The following TDRD3 variants were observed in gnomAD, a reference collection of about 807,000 sequenced individuals.
TDRD3 encodes the protein tudor domain containing 3.
TDRD3 carries 45 observed loss-of-function variants against 86.7 expected under a neutral mutation model. That is an observed-to-expected ratio of 0.52 (90% CI 0.41 to 0.67). TDRD3 has a LOEUF of 0.67. Among genes scored for constraint, TDRD3 ranks in the 30% least tolerant of loss-of-function variants. The pLI, the probability that TDRD3 is intolerant of heterozygous loss-of-function variation, is 0.00. For synonymous variants in TDRD3, 298 were observed against 301.7 expected (o/e 0.99, Z 0.13); for missense variants, 814 against 889.0 (o/e 0.92, Z 1.07).
intron 8 of TDRD3, among the ~76,000 whole-genome samples, chr13:60,508,463 C>G (rs1233704576): frequency 6.6e-6 from 1 of 152,102 alleles, no homozygotes; most frequent in Non-Finnish European, 1.5e-5. Context: ...TAAATAACAC[C>G]ACACATCTGC....
chr13:60,426,079 G>T (rs1954797118), intron 1 of TDRD3, among the ~76,000 whole-genome samples: 1 of 152,206 alleles, frequency 6.6e-6, no homozygotes, highest in East Asian at 1.9e-4. Context: ...TTTACAATGG[G>T]ATATAATTGA....
chr13:60,562,510 A>G (rs1009931545), intron 12 of TDRD3, among the ~76,000 whole-genome samples: 11 of 152,222 alleles, frequency 7.2e-5, no homozygotes, highest in African/African-American at 9.6e-5. Flanking sequence ...CTTAGGTTTT[A>G]TATGAAAATC....
chr13:60,450,948 TACATACAC>T (rs1157696319), intron 3 of TDRD3, among the ~76,000 whole-genome samples: 1 of 152,076 alleles, frequency 6.6e-6, no homozygotes, highest in East Asian at 1.9e-4. Context: ...AGCTCTACGG[TACATACAC>T]ACATACACAC....
chr13:60,442,291 T>G (rs1313980799), intron 2 of TDRD3, among the ~76,000 whole-genome samples: 1 of 152,154 alleles, frequency 6.6e-6, no homozygotes, highest in Non-Finnish European at 1.5e-5. Context: ...ATATTTTTAT[T>G]TCTTTTAAGA....
At chr13:60,461,045 A>G (rs1312831732) in intron 4 of TDRD3, 1 of 151,928 alleles carries the variant, frequency 6.6e-6, no homozygotes, top group Non-Finnish European at 1.5e-5. Context: ...AAAATAGTTA[A>G]GTATATAGTT....
chr13:60,509,547 C>A, intron 8 of TDRD3: 1 of 541,176 alleles, frequency 1.8e-6, no homozygotes, highest in South Asian at 2.4e-5. Context: ...TGCAGTGTTA[C>A]TTGTGAGGTC....
chr13:60,505,035 C>A (rs1003949787), intron 8 of TDRD3, among the ~76,000 whole-genome samples: 12 of 152,188 alleles, frequency 7.9e-5, no homozygotes, highest in Admixed American at 7.2e-4. Flanking sequence ...ACTAACCTAG[C>A]TGCAGGAGTT....
At chr13:60,501,221 G>A (rs911514069) in intron 8 of TDRD3, among the ~76,000 whole-genome samples, 1 of 152,172 alleles carries the variant, frequency 6.6e-6, no homozygotes, top group Admixed American at 6.5e-5. Context: ...GCTGTTAGGG[G>A]GTGTTGGACG....
upstream of TDRD3, among the ~76,000 whole-genome samples, chr13:60,396,242 G>C (rs576800721): frequency 4.6e-5 from 7 of 152,338 alleles, no homozygotes; most frequent in Admixed American, 3.9e-4. Flanking sequence ...GGCAGATGGG[G>C]ACGCTGCCCC....
chr13:60,541,714 G>GTATTTT (rs1259380702), intron 12 of TDRD3, among the ~76,000 whole-genome samples: 1 of 43,010 alleles, frequency 2.3e-5, no homozygotes, highest in African/African-American at 7.6e-5. Context: ...CTTCAGCATA[G>GTATTTT]TCTTTTTTTT....
In TDRD3 at chr13:60,554,676, C is replaced by T. The variant is rs1958147031; in HGVS notation, c.2119-12849C>T. ...CTCTAATACAGAGACTTCGTGCTTT[C>T]CTAACTTGTTCTTGCTGTCACTGTT... On this transcript the variant is annotated intron_variant, in intron 12 of 13. Coordinates refer to ENST00000377881, the MANE Select transcript of TDRD3 (RefSeq NM_001146070.2). Among the ~76,000 whole-genome samples, 4 of 152,206 alleles carry T rather than the reference C, an allele frequency of 2.6e-5. No individual in the cohort carries two copies. The South Asian group carries it at 8.3e-4, about 32-fold the overall frequency.
chr13:60,510,554 G>A (rs1050690306), intron 9 of TDRD3, 76 bp from the exon 10 acceptor site: 3 of 1,284,698 alleles, frequency 2.3e-6, no homozygotes, highest in Non-Finnish European at 3.0e-6. Context: ...TAAAATTATT[G>A]TTGGTTATAT....
intron 5 of TDRD3, among the ~76,000 whole-genome samples, chr13:60,479,181 C>A (rs1956260807): frequency 6.6e-6 from 1 of 152,194 alleles, no homozygotes; most frequent in Admixed American, 6.5e-5. Flanking sequence ...GCTTTAGCAG[C>A]ATCTCAAAGA....
At chr13:60,536,680 C>CT in intron 12 of TDRD3, 1 of 152,030 alleles carries the variant, frequency 6.6e-6, no homozygotes, top group Admixed American at 6.5e-5. Flanking sequence ...TTACTTCTTA[C>CT]TTTTTAGAAG....
At chr13:60,435,866 A>T (rs1189271916) in intron 1 of TDRD3, among the ~76,000 whole-genome samples, 1 of 150,342 alleles carries the variant, frequency 6.7e-6, no homozygotes, top group African/African-American at 2.4e-5. Flanking sequence ...TAGTGGTTGT[A>T]GCAATTTACA....
At chr13:60,481,179 C>G (rs1956306498) in intron 5 of TDRD3, among the ~76,000 whole-genome samples, 1 of 152,016 alleles carries the variant, frequency 6.6e-6, no homozygotes, top group African/African-American at 2.4e-5. Flanking sequence ...TCACTGATTT[C>G]AACAATTCAA....
intron 10 of TDRD3, among the ~76,000 whole-genome samples, chr13:60,514,087 A>C (rs1313109425): frequency 6.6e-6 from 1 of 152,170 alleles, no homozygotes; most frequent in Non-Finnish European, 1.5e-5. Flanking sequence ...AAATGCTGAT[A>C]ATGATATGGA....
chr13:60,521,634 G>T (rs1442302321), intron 10 of TDRD3, among the ~76,000 whole-genome samples: 1 of 152,118 alleles, frequency 6.6e-6, no homozygotes, highest in Non-Finnish European at 1.5e-5. Flanking sequence ...GGTGGCTCAC[G>T]CCTGTAATCC....
chr13:60,532,640 T>G (rs1221279470), intron 11 of TDRD3, among the ~76,000 whole-genome samples: 1 of 152,212 alleles, frequency 6.6e-6, no homozygotes, highest in African/African-American at 2.4e-5. Flanking sequence ...TTAAAAAATT[T>G]CCTCACAATA....
Sources: allele counts gnomAD v4.1 joint callset (sites outside exome capture counted in the v4.1 genomes callset), GRCh38; gene constraint gnomAD v4.1.1; transcripts MANE v1.5; gene names NCBI Gene and HGNC (gene_info 2026-07-23, HGNC 2026-07-21).